The following SUSD1 variants were observed in gnomAD, a reference collection of about 807,000 sequenced individuals.
The protein encoded by SUSD1 is sushi domain-containing protein 1.
A neutral mutation model predicts 86.9 loss-of-function variants in SUSD1; 65 were observed. The ratio of observed to expected loss-of-function variants is 0.75; its 90% CI spans 0.61 to 0.92. SUSD1 has a LOEUF of 0.92. Among genes scored for constraint, SUSD1 ranks in the 40% least tolerant of loss-of-function variants. SUSD1 has a pLI of 0.00. For missense variants in SUSD1, 850 were observed against 929.7 expected (o/e 0.91, Z 1.11); for synonymous variants, 346 against 350.0 (o/e 0.99, Z 0.13).
At chr9:112,116,714 C>T (rs1264310491) in intron 6 of SUSD1, among the ~76,000 whole-genome samples, 4 of 152,162 alleles carry the variant, frequency 2.6e-5, no homozygotes, top group Non-Finnish European at 4.4e-5. Flanking sequence ...GTGAATGGCC[C>T]AATGGCAGAA....
intron 6 of SUSD1, among the ~76,000 whole-genome samples, chr9:112,114,476 C>T (rs987232308): frequency 2.0e-5 from 3 of 152,102 alleles, no homozygotes; most frequent in African/African-American, 7.2e-5. Context: ...GAGTGAGACT[C>T]CATCTCAAAA....
intron 3 of SUSD1, among the ~76,000 whole-genome samples, chr9:112,145,276 T>TC (rs199532764): frequency 8.1e-6 from 1 of 122,704 alleles, no homozygotes; most frequent in African/African-American, 3.0e-5. Flanking sequence ...TACCATAATT[T>TC]CCTTTTTTTT....
rs1257342433 is a variant in SUSD1 at position 112,142,479 on chromosome 9, G to T, written c.547C>A (p.Pro183Thr). Residue 183 changes from proline (P) to threonine (T), a missense_variant, in exon 5 of 17, where the codon CCT becomes ACT. Coordinates refer to ENST00000374270, the MANE Select transcript of SUSD1 (RefSeq NM_022486.5). ...SCTEIDCGTP[P>T]EVPDGYIIGN... ...ATGATATAGCCATCTGGAACCTCAG[G>T]AGGGGTACCACAGTCTATTTCTGAA... 6.2e-7 allele frequency: 1 copy of T among 1,612,644 alleles called. No individual in the cohort carries two copies. The highest frequency in any genetic ancestry group is 1.3e-5 in the African/African-American group (1 of 74,790).
At chr9:112,147,758 G>C (rs1832868875) in intron 3 of SUSD1, among the ~76,000 whole-genome samples, 1 of 152,182 alleles carries the variant, frequency 6.6e-6, no homozygotes, top group Non-Finnish European at 1.5e-5. Context: ...AACAGAGCGA[G>C]ACTCCGTCTC....
At chr9:112,154,271 T>C (rs1412830615) in intron 2 of SUSD1, among the ~76,000 whole-genome samples, 2 of 150,708 alleles carry the variant, frequency 1.3e-5, no homozygotes, top group Non-Finnish European at 3.0e-5. Context: ...GGCAGATCAC[T>C]TGAGCCCAGT....
At chr9:112,076,982 A>G (rs1829544362) in intron 12 of SUSD1, among the ~76,000 whole-genome samples, 1 of 152,260 alleles carries the variant, frequency 6.6e-6, no homozygotes, top group African/African-American at 2.4e-5. Flanking sequence ...AAGTGAGAAC[A>G]GGAGGTAGGG....
At position 112,078,809 on chromosome 9, in the gene SUSD1, C is replaced by CTGTTTT. The variant is rs1554756866; in HGVS notation, c.1567-86_1567-85insAAAACA. ...AAACCTCCCCTTTTCCTTTTTCTTT[C>CTGTTTT]TCTTTTTTTTTTTTTTTTTTTGAGA... On this transcript the variant is annotated intron_variant, in intron 11 of 16. Transcript: ENST00000374270. The CTGTTTT allele has an allele frequency of 1.7e-5, 14 of 830,110 alleles. No homozygotes were observed. In the African/African-American group the frequency reaches 3.3e-4, roughly 19 times the overall value. The allele number at this position is 830,110 out of a possible 1,614,324, so 51.4% of individuals were successfully genotyped here.
At chr9:112,103,293 T>C in intron 8 of SUSD1, 1 of 322,970 alleles carries the variant, frequency 3.1e-6, no homozygotes, top group Non-Finnish European at 6.0e-6. Context: ...AATTGGAAAG[T>C]GTAGAAAGAT....
intron 2 of SUSD1, among the ~76,000 whole-genome samples, chr9:112,150,804 A>G (rs1313733930): frequency 6.6e-6 from 1 of 152,232 alleles, no homozygotes; most frequent in East Asian, 1.9e-4. Flanking sequence ...ATACAGTATA[A>G]AATGTAAAAA....
intron 3 of SUSD1, among the ~76,000 whole-genome samples, chr9:112,148,832 G>T (rs1049429229): frequency 6.6e-6 from 1 of 151,904 alleles, no homozygotes; most frequent in Admixed American, 6.6e-5. Context: ...CTTGAACCCA[G>T]GAGGCGGAGG....
intron 5 of SUSD1, among the ~76,000 whole-genome samples, chr9:112,127,387 A>C (rs763070268): frequency 6.6e-6 from 1 of 152,042 alleles, no homozygotes; most frequent in Non-Finnish European, 1.5e-5. Context: ...AGAAAAAGAA[A>C]AATGCTGTTC....
rs1382560623 is a variant in SUSD1 at position 112,041,957 on chromosome 9, G to A, written c.2153C>T (p.Ser718Leu). 6 of 1,613,734 alleles carry A rather than the reference G, an allele frequency of 3.7e-6. No individual in the cohort carries two copies. The highest frequency in any genetic ancestry group is 2.2e-5 in the South Asian group (2 of 91,036). ...CGCCATCTGCAGCAGCATGAGTGAC[G>A]AATCTGTGGGACAAAACCACAGGCT... is the stretch of plus-strand genomic sequence containing the variant. ...SCAVWAQVKDSSLMLLQMAGV... is the reference protein window; with the variant it reads ...SCAVWAQVKDLSLMLLQMAGV... The change falls in exon 16 of 17, where the codon TCG (serine) becomes TTG (leucine). Residue 718 changes from serine to leucine, a missense_variant. Physicochemically the swap from Ser to Leu is moderately radical, Grantham distance 145. Coordinates refer to ENST00000374270, the MANE Select transcript of SUSD1 (RefSeq NM_022486.5).
chr9:112,066,540 C>T (rs1485474310), intron 12 of SUSD1, among the ~76,000 whole-genome samples: 3 of 152,058 alleles, frequency 2.0e-5, no homozygotes, highest in Non-Finnish European at 2.9e-5. Context: ...GCTGAATGAA[C>T]GGGGCTTGAA....
intron 5 of SUSD1, among the ~76,000 whole-genome samples, chr9:112,131,495 G>A (rs1370101728): frequency 1.3e-5 from 2 of 152,140 alleles, no homozygotes; most frequent in Admixed American, 6.5e-5. Flanking sequence ...GGCTTGCCTA[G>A]AACATGACCC....
intron 10 of SUSD1, among the ~76,000 whole-genome samples, chr9:112,097,163 T>C (rs1049255344): frequency 6.6e-6 from 1 of 151,702 alleles, no homozygotes; most frequent in African/African-American, 2.4e-5. Context: ...CTGTATCTAC[T>C]AAAAATACAA....
intron 10 of SUSD1, among the ~76,000 whole-genome samples, chr9:112,088,675 C>T (rs1387122862): frequency 6.6e-6 from 1 of 152,128 alleles, no homozygotes; most frequent in African/African-American, 2.4e-5. Context: ...GGTTGTAGCC[C>T]CAGCTATTTG....
chr9:112,074,202 C>A (rs900758807), intron 12 of SUSD1, among the ~76,000 whole-genome samples: 1 of 151,960 alleles, frequency 6.6e-6, no homozygotes, highest in Non-Finnish European at 1.5e-5. Flanking sequence ...GGTGACAGAG[C>A]GAAATTCTGT....
At chr9:112,141,402 C>T (rs1345826028) in intron 5 of SUSD1, among the ~76,000 whole-genome samples, 2 of 152,204 alleles carry the variant, frequency 1.3e-5, no homozygotes, top group East Asian at 1.9e-4. Context: ...ATCAGCCAGG[C>T]GCAGTGGCTC....
At position 112,040,804 on chromosome 9, in the gene SUSD1, T is replaced by C. The variant is rs1243817112; in HGVS notation, c.*688A>G. The C allele has an allele frequency of 6.6e-6, 1 of 152,250 alleles. No individual in the cohort carries two copies. Among genetic ancestry groups the C allele is most frequent in the African/African-American group, 2.4e-5 (1 of 41,464 alleles). The allele number at this position is 152,250 out of a possible 1,614,324, so 9.4% of individuals were successfully genotyped here. On this transcript the variant is annotated 3_prime_UTR_variant, in exon 17 of 17. Transcript: ENST00000374270. ...AATCTTAATTACGGGATATTTTTACTGGAATGTAGACATTACTTTTGAATA... is the reference window on the plus strand; with the variant it reads ...AATCTTAATTACGGGATATTTTTACCGGAATGTAGACATTACTTTTGAATA...
Sources: gnomAD v4.1 joint callset for allele counts (sites outside exome capture counted in the v4.1 genomes callset) on GRCh38, gnomAD v4.1.1 for gene constraint, MANE v1.5 for transcripts, NCBI Gene and HGNC (gene_info 2026-07-23, HGNC 2026-07-21) for gene names.